CDH18: variants seen among roughly 807,000 people sequenced by gnomAD.
The protein encoded by CDH18 is cadherin-18.
CDH18 carries 31 observed loss-of-function variants against 67.9 expected under a neutral mutation model. That is an observed-to-expected ratio of 0.46 (90% CI 0.34 to 0.62). CDH18 has a LOEUF of 0.62. Ranked by LOEUF, CDH18 falls within the 20% of genes least tolerant of loss-of-function variation. The pLI, the probability that CDH18 is intolerant of heterozygous loss-of-function variation, is 0.01. For missense variants in CDH18, 890 were observed against 975.5 expected (o/e 0.91, Z 1.17); for synonymous variants, 362 against 347.2 (o/e 1.04, Z -0.48).
At chr5:19,484,672 T>C (rs1740063332) in intron 11 of CDH18, among the ~76,000 whole-genome samples, 1 of 152,222 alleles carries the variant, frequency 6.6e-6, no homozygotes, top group Non-Finnish European at 1.5e-5. Context: ...CCTGCACTAC[T>C]GACAATACTG....
At chr5:19,690,073 A>ATG (rs1046450758) in intron 5 of CDH18, among the ~76,000 whole-genome samples, 120 of 142,226 alleles carry the variant, frequency 8.4e-4, no homozygotes, top group African/African-American at 2.7e-3. Flanking sequence ...TATATTATAT[A>ATG]TGTGTGTGTG....
chr5:20,166,439 C>CAAA (rs796889478), intron 2 of CDH18, among the ~76,000 whole-genome samples: 5 of 72,284 alleles, frequency 6.9e-5, no homozygotes, highest in African/African-American at 1.1e-4. Context: ...GACTCTGTCT[C>CAAA]AAAAAAAAAA....
At chr5:19,579,969 G>A (rs1456001974) in intron 7 of CDH18, among the ~76,000 whole-genome samples, 1 of 151,604 alleles carries the variant, frequency 6.6e-6, no homozygotes, top group African/African-American at 2.4e-5. Context: ...AATTAAAGGT[G>A]CTAACTAATA....
At chr5:20,134,677 G>A (rs893831606) in intron 2 of CDH18, among the ~76,000 whole-genome samples, 1 of 152,056 alleles carries the variant, frequency 6.6e-6, no homozygotes, top group Non-Finnish European at 1.5e-5. Context: ...AATAGTTATA[G>A]GTACACAAAG....
At chr5:20,469,060 T>G (rs1426632498) in intron 1 of CDH18, among the ~76,000 whole-genome samples, 1 of 152,164 alleles carries the variant, frequency 6.6e-6, no homozygotes, top group African/African-American at 2.4e-5. Flanking sequence ...ACACAGTATG[T>G]AACGGTAATG....
At chr5:20,506,883 T>C (rs115889028) in intron 1 of CDH18, among the ~76,000 whole-genome samples, 2,217 of 152,320 alleles carry the variant, frequency 0.015, 30 homozygotes, top group South Asian at 0.021. Flanking sequence ...ATGTGCTTCC[T>C]GGGTGTGTGA....
At chr5:19,629,509 T>G (rs1340112027) in intron 5 of CDH18, among the ~76,000 whole-genome samples, 4 of 152,206 alleles carry the variant, frequency 2.6e-5, no homozygotes, top group South Asian at 2.1e-4. Context: ...TTGCTCCCTC[T>G]TGAATCTTCA....
intron 1 of CDH18, among the ~76,000 whole-genome samples, chr5:20,484,653 CTTATG>C (rs1753048647): frequency 2.6e-5 from 4 of 151,878 alleles, no homozygotes; most frequent in African/African-American, 9.7e-5. Flanking sequence ...ATTGGAGGTC[CTTATG>C]TTAAGTGAAA....
chr5:19,603,265 A>T (rs1747453684), intron 6 of CDH18, among the ~76,000 whole-genome samples: 1 of 152,212 alleles, frequency 6.6e-6, no homozygotes, highest in South Asian at 2.1e-4. Flanking sequence ...AGGCACAGAA[A>T]GACAAATATT....
chr5:20,442,531 C>G (rs1749682521), intron 1 of CDH18, among the ~76,000 whole-genome samples: 1 of 151,836 alleles, frequency 6.6e-6, no homozygotes. Context: ...GCAGTTGGCC[C>G]TGAGAGGCTC....
At chr5:19,784,275 G>C (rs1381081221) in intron 3 of CDH18, among the ~76,000 whole-genome samples, 3 of 152,054 alleles carry the variant, frequency 2.0e-5, no homozygotes, top group Non-Finnish European at 4.4e-5. Context: ...ATGATAACTT[G>C]GAATCATCTA....
chr5:20,530,449 A>G (rs757304832), intron 1 of CDH18, among the ~76,000 whole-genome samples: 4 of 152,102 alleles, frequency 2.6e-5, no homozygotes, highest in Non-Finnish European at 5.9e-5. Context: ...AAGCTAAAAG[A>G]ACAAAGCTGG....
intron 1 of CDH18, among the ~76,000 whole-genome samples, chr5:20,341,567 A>G (rs1037365869): frequency 3.3e-5 from 5 of 151,704 alleles, no homozygotes; most frequent in African/African-American, 1.2e-4. Flanking sequence ...ATTTATGCAA[A>G]CACTAATATA....
chr5:20,245,628 T>C (rs1743317211), intron 2 of CDH18, among the ~76,000 whole-genome samples: 1 of 152,078 alleles, frequency 6.6e-6, no homozygotes, highest in South Asian at 2.1e-4. Context: ...GAGCTTGGCA[T>C]TGTAATTACT....
intron 1 of CDH18, chr5:20,305,339 C>T (rs1736325512): frequency 1.3e-6 from 2 of 1,572,804 alleles, no homozygotes. Context: ...TTCTTTATGG[C>T]TCTATTCTTC....
intron 1 of CDH18, among the ~76,000 whole-genome samples, chr5:20,272,503 A>C (rs902568319): frequency 1.3e-5 from 2 of 152,088 alleles, no homozygotes; most frequent in Admixed American, 6.6e-5. Flanking sequence ...AAAATAATTA[A>C]TGTAGAACAA....
intron 2 of CDH18, among the ~76,000 whole-genome samples, chr5:20,016,679 A>G (rs747767460): frequency 3.3e-5 from 5 of 152,140 alleles, no homozygotes; most frequent in Non-Finnish European, 5.9e-5. Context: ...CAATTGTCCA[A>G]TATTTAGTGA....
intron 2 of CDH18, among the ~76,000 whole-genome samples, chr5:20,119,220 T>G (rs374790448): frequency 6.6e-6 from 1 of 152,178 alleles, no homozygotes; most frequent in African/African-American, 2.4e-5. Flanking sequence ...CTAAAAGTAA[T>G]TATCTTTTGC....
chr5:20,473,663 A>ATC (rs1215337794), intron 1 of CDH18, among the ~76,000 whole-genome samples: 5 of 152,110 alleles, frequency 3.3e-5, no homozygotes, highest in Non-Finnish European at 7.4e-5. Flanking sequence ...GGCTTTCTAA[A>ATC]CAGATTCCCA....
Sources: gnomAD v4.1 joint callset for allele counts (sites outside exome capture counted in the v4.1 genomes callset) on GRCh38, gnomAD v4.1.1 for gene constraint, MANE v1.5 for transcripts, NCBI Gene and HGNC (gene_info 2026-07-23, HGNC 2026-07-21) for gene names.